RALY: variants seen among roughly 807,000 people sequenced by gnomAD.
RALY encodes the protein RALY heterogeneous nuclear ribonucleoprotein.
In RALY, 15 loss-of-function variants were observed where a neutral mutation model predicts 30.7. That is an observed-to-expected ratio of 0.49 (90% confidence interval 0.33 to 0.75). The LOEUF is 0.75. Among genes scored for constraint, RALY ranks in the 30% least tolerant of loss-of-function variants. The pLI is 0.02. For missense variants in RALY, 339 were observed against 414.3 expected (o/e 0.82, Z 1.58); for synonymous variants, 177 against 170.8 (o/e 1.04, Z -0.28).
In RALY at chr20:34,048,458, A is replaced by G. The variant is rs547525311; in HGVS notation, c.-10+16854A>G. ...TGAGATCATACTGTGTAACTCATTT[A>G]TAGATGGTCCAAAGAAGAACTGGGA... On this transcript the variant is annotated intron_variant, in intron 2 of 9. Transcript: ENST00000246194. Among the ~76,000 whole-genome samples the G allele has an allele frequency of 2.6e-5, 4 of 152,330 alleles. 1 individual carries two copies. The highest frequency in any genetic ancestry group is 1.9e-4 in the East Asian group (1 of 5,188).
chr20:34,045,325 G>A (rs2032843235), intron 2 of RALY, among the ~76,000 whole-genome samples: 3 of 152,198 alleles, frequency 2.0e-5, no homozygotes, highest in Admixed American at 2.0e-4. Context: ...AAAGTGGCCA[G>A]AGTAGACCTC....
rs915382264 is a variant in RALY at position 34,055,138 on chromosome 20, G to A, written c.-9-16928G>A. Among the ~76,000 whole-genome samples, 170 of 152,208 alleles carry A rather than the reference G, an allele frequency of 1.1e-3. 1 individual carries two copies. Among genetic ancestry groups the A allele is most frequent in the African/African-American group, 3.9e-3 (162 of 41,522 alleles). The stretch of plus-strand genomic sequence containing the variant: ...TACAGCCAACGTATAGCAGAGCTGG[G>A]ATTTGAACCCCAGGTAGTCTGATTC... On this transcript the variant is annotated intron_variant, in intron 2 of 9. Coordinates refer to ENST00000246194, the MANE Select transcript of RALY (RefSeq NM_016732.3).
chr20:34,014,551 TG>T (rs1023545420), intron 1 of RALY, among the ~76,000 whole-genome samples: 18 of 152,338 alleles, frequency 1.2e-4, no homozygotes, highest in Non-Finnish European at 2.4e-4. Context: ...ATTTGGGATT[TG>T]GGTGGAGTAT....
intron 2 of RALY, among the ~76,000 whole-genome samples, chr20:34,067,779 G>T (rs1325669986): frequency 1.3e-5 from 2 of 151,046 alleles, no homozygotes; most frequent in Non-Finnish European, 2.9e-5. Context: ...TGGGGAGCCA[G>T]TCCCCAGTTT....
intron 1 of RALY, among the ~76,000 whole-genome samples, chr20:34,021,923 A>G (rs970077697): frequency 2.7e-5 from 4 of 150,832 alleles, no homozygotes; most frequent in Non-Finnish European, 5.9e-5. Flanking sequence ...TATTAAAAAA[A>G]AATTTTTTTT....
At chr20:34,048,758 A>G (rs1200756443) in intron 2 of RALY, among the ~76,000 whole-genome samples, 1 of 148,148 alleles carries the variant, frequency 6.8e-6, no homozygotes, top group Non-Finnish European at 1.5e-5. Flanking sequence ...CGGGAAGCTG[A>G]GGCAGGAGAA....
intron 1 of RALY, among the ~76,000 whole-genome samples, chr20:34,019,851 G>A (rs13037356): frequency 0.018 from 2,673 of 152,256 alleles, 49 homozygotes; most frequent in Middle Eastern, 0.027. Flanking sequence ...CACGAGGTCA[G>A]GAGATCGAGA....
chr20:34,077,050 AGGT>A lies in RALY; in HGVS notation c.684_686del (p.Gly229del). On this transcript the variant is annotated inframe_deletion, in exon 8 of 10. Transcript: ENST00000246194. ...AAGATGGCAAGAAGAAGGGTGATGGAGGTGGCGCCGGCGGCGGCGGCGGTGGTG... is the reference window on the plus strand; with the variant it reads ...AAGATGGCAAGAAGAAGGGTGATGGAGGCGCCGGCGGCGGCGGCGGTGGTG... 2 of 1,557,864 alleles carry A rather than the reference AGGT, an allele frequency of 1.3e-6. No individual in the cohort carries two copies. Among genetic ancestry groups the A allele is most frequent in the Non-Finnish European group, 1.7e-6 (2 of 1,161,942 alleles).
At chr20:33,997,198 C>G (rs73090614) in intron 1 of RALY, among the ~76,000 whole-genome samples, 23,211 of 152,182 alleles carry the variant, frequency 0.15, 2,555 homozygotes, top group East Asian at 0.45. Context: ...TCCCTGCAAC[C>G]TCAACCTCCT....
chr20:34,066,671 G>A (rs753008136), intron 2 of RALY, among the ~76,000 whole-genome samples: 1 of 149,632 alleles, frequency 6.7e-6, no homozygotes, highest in Non-Finnish European at 1.5e-5. Flanking sequence ...GATTACTTGC[G>A]TGAGCCACTT....
chr20:34,078,477 G>A (rs1208679781), intron 8 of RALY, 28 bp from the exon 9 acceptor site: 2 of 1,549,496 alleles, frequency 1.3e-6, no homozygotes, highest in Non-Finnish European at 1.7e-6. Context: ...TGAGTGATGT[G>A]TGGTCTCTCT....
At chr20:34,055,964 G>C (rs2033229967) in intron 2 of RALY, among the ~76,000 whole-genome samples, 2 of 152,192 alleles carry the variant, frequency 1.3e-5, no homozygotes, top group African/African-American at 4.8e-5. Flanking sequence ...TTTGGCACAA[G>C]ATGGGATGCT....
intron 2 of RALY, among the ~76,000 whole-genome samples, chr20:34,071,095 A>G (rs903723863): frequency 3.9e-5 from 6 of 152,128 alleles, no homozygotes; most frequent in South Asian, 4.1e-4. Context: ...GGGGAAATGC[A>G]TGATTTCAGT....
chr20:34,039,597 C>A (rs1240327450), intron 2 of RALY, among the ~76,000 whole-genome samples: 6 of 152,186 alleles, frequency 3.9e-5, no homozygotes, highest in Non-Finnish European at 7.3e-5. Context: ...ACCAGCCAGG[C>A]TTTGTCTAGC....
chr20:34,007,095 T>C (rs557050341), intron 1 of RALY, among the ~76,000 whole-genome samples: 44 of 152,230 alleles, frequency 2.9e-4, no homozygotes, highest in Non-Finnish European at 5.7e-4. Context: ...ATTGTTCTTA[T>C]TTTGTAGGTA....
intron 2 of RALY, among the ~76,000 whole-genome samples, chr20:34,047,572 G>C (rs552699523): frequency 7.2e-5 from 11 of 152,342 alleles, no homozygotes; most frequent in African/African-American, 2.6e-4. Flanking sequence ...TCCTGGCAGA[G>C]TTGTATTGGT....
chr20:34,018,539 A>G (rs965854916), intron 1 of RALY, among the ~76,000 whole-genome samples: 1 of 152,186 alleles, frequency 6.6e-6, no homozygotes, highest in Admixed American at 6.5e-5. Flanking sequence ...TACATTTTTA[A>G]CTCTAATTAC....
rs758342119 is a variant in RALY, at chr20:34,072,046, C to T, written c.-9-20C>T. The T allele has an allele frequency of 2.5e-6, 4 of 1,608,754 alleles. No homozygotes were observed. The South Asian group carries it at 4.4e-5, about 18-fold the overall frequency. ...AGCCCAGCCCAGGGACCCAGCTTCACCGAGGCTCTTTTTCTTCAGGTGGGC... is the reference window on the plus strand; with the variant it reads ...AGCCCAGCCCAGGGACCCAGCTTCATCGAGGCTCTTTTTCTTCAGGTGGGC... On this transcript the variant is annotated intron_variant, in intron 2 of 9. Coordinates refer to ENST00000246194, the MANE Select transcript of RALY (RefSeq NM_016732.3).
At chr20:34,059,012 A>G (rs1390319401) in intron 2 of RALY, among the ~76,000 whole-genome samples, 1 of 152,042 alleles carries the variant, frequency 6.6e-6, no homozygotes. Context: ...GAGTGGCTAC[A>G]ACTGTGGCAT....
Sources: allele counts gnomAD v4.1 joint callset (sites outside exome capture counted in the v4.1 genomes callset), GRCh38; gene constraint gnomAD v4.1.1; transcripts MANE v1.5; gene names NCBI Gene and HGNC (gene_info 2026-07-23, HGNC 2026-07-21).